Variants in B4GALT5 observed in about 807,000 individuals in gnomAD.
The protein encoded by B4GALT5 is UDP-Gal:beta-GlcNAc beta-1,4-galactosyltransferase 5.
A neutral mutation model predicts 45.0 loss-of-function variants in B4GALT5; 11 were observed. The observed-to-expected ratio is 0.24, with a 90% CI of 0.15 to 0.40. The LOEUF (loss-of-function observed/expected upper bound fraction) is 0.40, where lower values mean the gene tolerates loss of function less well. Among genes scored for constraint, B4GALT5 ranks in the 10% least tolerant of loss-of-function variants. B4GALT5 has a pLI of 1.00. For synonymous variants in B4GALT5, 185 were observed against 182.9 expected (o/e 1.01, Z -0.09); for missense variants, 337 against 500.2 (o/e 0.67, Z 3.11).
intron 1 of B4GALT5, among the ~76,000 whole-genome samples, chr20:49,691,954 A>C (rs992533761): frequency 1.1e-4 from 16 of 152,346 alleles, no homozygotes; most frequent in African/African-American, 3.8e-4. Flanking sequence ...TGAAGCTACA[A>C]TGAATGAATG....
chr20:49,645,119 G>A (rs929397758), intron 3 of B4GALT5, among the ~76,000 whole-genome samples: 16 of 152,348 alleles, frequency 1.1e-4, no homozygotes, highest in African/African-American at 3.8e-4. Context: ...GCTCATGCCT[G>A]TAGTCCCAGC....
intron 1 of B4GALT5, among the ~76,000 whole-genome samples, chr20:49,711,426 C>T (rs2085911252): frequency 1.3e-5 from 2 of 152,168 alleles, no homozygotes; most frequent in Non-Finnish European, 2.9e-5. Context: ...TGATTACCAT[C>T]CCAGTGGGAT....
At chr20:49,688,556 T>C (rs75358595) in intron 1 of B4GALT5, among the ~76,000 whole-genome samples, 4,387 of 152,278 alleles carry the variant, frequency 0.029, 215 homozygotes, top group African/African-American at 0.1. Context: ...ATCTAGATAT[T>C]AGAAAATCAT....
intron 1 of B4GALT5, among the ~76,000 whole-genome samples, chr20:49,705,317 A>G (rs2085879410): frequency 6.6e-6 from 1 of 152,172 alleles, no homozygotes; most frequent in African/African-American, 2.4e-5. Flanking sequence ...AAAATGGTCC[A>G]AAAAAAGGAA....
At chr20:49,677,120 T>A (rs1568727158) in intron 1 of B4GALT5, among the ~76,000 whole-genome samples, 3 of 152,040 alleles carry the variant, frequency 2.0e-5, no homozygotes, top group African/African-American at 7.2e-5. Context: ...TTAGAGAAGG[T>A]ACAACTTGCT....
In B4GALT5 at chr20:49,636,030, TAGG is replaced by T. The variant is rs2085551927; in HGVS notation, c.*279_*281del. ...ACTGCGGCTAAGACAGGATGTGGGG[TAGG>T]AGATGGGGAGAGAGCAGCGGGACAG... On this transcript the variant is annotated 3_prime_UTR_variant, in exon 9 of 9. Coordinates refer to ENST00000371711, the MANE Select transcript of B4GALT5 (RefSeq NM_004776.4). 2.5e-6 allele frequency: 1 copy of T among 394,884 alleles called. No homozygotes were observed. The highest frequency in any genetic ancestry group is 2.1e-5 in the African/African-American group (1 of 48,728). The allele number at this position is 394,884 out of a possible 1,614,324, so 24.5% of individuals were successfully genotyped here.
At chr20:49,708,080 A>T (rs1028927577) in intron 1 of B4GALT5, among the ~76,000 whole-genome samples, 1 of 18,084 alleles carries the variant, frequency 5.5e-5, no homozygotes, top group Non-Finnish European at 1.3e-4. Context: ...CTAAAAATAC[A>T]AAAAAAAAAA....
intron 2 of B4GALT5, among the ~76,000 whole-genome samples, chr20:49,655,323 C>T (rs1258343186): frequency 6.6e-6 from 1 of 151,258 alleles, no homozygotes; most frequent in Non-Finnish European, 1.5e-5. Flanking sequence ...CCCAGCTACT[C>T]GGGAGGCTGA....
At chr20:49,682,231 G>A (rs1430567891) in intron 1 of B4GALT5, among the ~76,000 whole-genome samples, 1 of 152,232 alleles carries the variant, frequency 6.6e-6, no homozygotes, top group African/African-American at 2.4e-5. Flanking sequence ...GTGCCTGCCA[G>A]TGTGAATAAA....
intron 1 of B4GALT5, among the ~76,000 whole-genome samples, chr20:49,665,440 GTAATAATAATAATAATAA>G (rs71339446): frequency 1.1e-3 from 106 of 95,036 alleles, no homozygotes; most frequent in African/African-American, 3.2e-3. Flanking sequence ...GGGGGTAGTA[GTAATAATAATAATAATAA>G]TAATAATAAT....
intron 1 of B4GALT5, among the ~76,000 whole-genome samples, chr20:49,706,896 A>G (rs564465079): frequency 6.6e-6 from 1 of 152,246 alleles, no homozygotes; most frequent in African/African-American, 2.4e-5. Flanking sequence ...AAAGCAGCAA[A>G]ATTTAGGGAA....
chr20:49,656,752 T>G, intron 1 of B4GALT5, 50 bp from the exon 2 acceptor site: 1 of 1,611,060 alleles, frequency 6.2e-7, no homozygotes, highest in Non-Finnish European at 8.5e-7. Flanking sequence ...AGCAATCATT[T>G]AAAAAAACAT....
chr20:49,712,840 G>GA (rs1233820656), intron 1 of B4GALT5, among the ~76,000 whole-genome samples: 23 of 144,806 alleles, frequency 1.6e-4, no homozygotes, highest in Non-Finnish European at 1.8e-4. Context: ...CGCGAGGTGG[G>GA]GGGGGGGGAG....
At chr20:49,694,406 C>T (rs139923933) in intron 1 of B4GALT5, among the ~76,000 whole-genome samples, 1 of 152,082 alleles carries the variant, frequency 6.6e-6, no homozygotes, top group Non-Finnish European at 1.5e-5. Flanking sequence ...AACCCCAGCA[C>T]TCTGGGAGGG....
intron 1 of B4GALT5, among the ~76,000 whole-genome samples, chr20:49,711,808 A>G (rs555701438): frequency 6.6e-6 from 1 of 152,312 alleles, no homozygotes; most frequent in African/African-American, 2.4e-5. Context: ...TCAAAACATC[A>G]ACATTAACCA....
chr20:49,649,899 A>G (rs1367624684), intron 2 of B4GALT5, among the ~76,000 whole-genome samples: 1 of 152,220 alleles, frequency 6.6e-6, no homozygotes, highest in Non-Finnish European at 1.5e-5. Flanking sequence ...CAGTCAATAC[A>G]TTCACTAGAA....
intron 8 of B4GALT5, among the ~76,000 whole-genome samples, 195 bp downstream of exon 8, chr20:49,637,146 T>C (rs1009352197): frequency 1.3e-5 from 2 of 152,158 alleles, no homozygotes; most frequent in African/African-American, 2.4e-5. Flanking sequence ...AATCTTACTA[T>C]TGAAAATGTT....
chr20:49,663,690 A>ATATATAT (rs1296656944), intron 1 of B4GALT5, among the ~76,000 whole-genome samples: 17 of 96,944 alleles, frequency 1.8e-4, no homozygotes, highest in African/African-American at 7.6e-4. Context: ...AAAAAAAAAA[A>ATATATAT]ATATATACAT....
chr20:49,706,448 T>C (rs1257857570), intron 1 of B4GALT5, among the ~76,000 whole-genome samples: 1 of 152,214 alleles, frequency 6.6e-6, no homozygotes, highest in Non-Finnish European at 1.5e-5. Flanking sequence ...ACTTGACTTA[T>C]ATGATCATCT....
Sources: allele counts gnomAD v4.1 joint callset (sites outside exome capture counted in the v4.1 genomes callset), GRCh38; gene constraint gnomAD v4.1.1; transcripts MANE v1.5; gene names NCBI Gene and HGNC (gene_info 2026-07-23, HGNC 2026-07-21).